Variants in PRR5L observed in about 807,000 individuals in gnomAD.
PRR5L encodes the protein proline-rich protein 5-like.
In PRR5L, 21 loss-of-function variants were observed where a neutral mutation model predicts 36.4. The ratio of observed to expected loss-of-function variants is 0.58; its 90% CI spans 0.41 to 0.83. PRR5L has a LOEUF of 0.83. Ranked by LOEUF, PRR5L falls within the 40% of genes least tolerant of loss-of-function variation. The pLI is 0.00. For synonymous variants in PRR5L, 188 were observed against 197.0 expected, an observed-to-expected ratio of 0.95 and a Z score of 0.38; for missense variants, 381 against 473.3, an observed-to-expected ratio of 0.80 and a Z score of 1.81.
intron 1 of PRR5L, among the ~76,000 whole-genome samples, chr11:36,387,020 G>A (rs1172965848): frequency 6.6e-6 from 1 of 152,136 alleles, no homozygotes; most frequent in Admixed American, 6.6e-5. Flanking sequence ...GGCAGGCGTG[G>A]GGTCCAGATC....
At chr11:36,427,392 G>A (rs1858404629) in intron 4 of PRR5L, among the ~76,000 whole-genome samples, 1 of 152,062 alleles carries the variant, frequency 6.6e-6, no homozygotes, top group African/African-American at 2.4e-5. Context: ...TTCTGCCTGG[G>A]GAGGTGGTGG....
At chr11:36,330,214 T>C (rs1362580755) in intron 1 of PRR5L, among the ~76,000 whole-genome samples, 1 of 152,186 alleles carries the variant, frequency 6.6e-6, no homozygotes, top group Non-Finnish European at 1.5e-5. Flanking sequence ...ATCTACTAAA[T>C]TGCTGTAAGT....
intron 1 of PRR5L, among the ~76,000 whole-genome samples, chr11:36,338,921 C>T (rs1030199226): frequency 6.6e-6 from 1 of 152,074 alleles, no homozygotes. Context: ...GTCACGGGGG[C>T]CCGTCTTTCC....
intron 1 of PRR5L, among the ~76,000 whole-genome samples, chr11:36,307,713 G>A (rs1856449900): frequency 6.6e-6 from 1 of 152,178 alleles, no homozygotes; most frequent in African/African-American, 2.4e-5. Context: ...ATTTCTGTGG[G>A]CGATGGGATC....
intron 1 of PRR5L, among the ~76,000 whole-genome samples, chr11:36,343,371 G>T (rs1856834529): frequency 6.6e-6 from 1 of 152,210 alleles, no homozygotes; most frequent in African/African-American, 2.4e-5. Context: ...ACCTTTGTAA[G>T]TTCCTCCATC....
At chr11:36,416,964 C>A (rs1040132155) in intron 3 of PRR5L, among the ~76,000 whole-genome samples, 1 of 152,186 alleles carries the variant, frequency 6.6e-6, no homozygotes, top group East Asian at 1.9e-4. Flanking sequence ...CATCATAGAT[C>A]CCTCCTCCGT....
chr11:36,342,001 C>T (rs1372176227), intron 1 of PRR5L, among the ~76,000 whole-genome samples: 5 of 152,218 alleles, frequency 3.3e-5, no homozygotes, highest in South Asian at 2.1e-4. Context: ...GTTTGGTCCA[C>T]GCTGTGATTC....
At chr11:36,335,658 C>T (rs183431690) in intron 1 of PRR5L, among the ~76,000 whole-genome samples, 8 of 152,128 alleles carry the variant, frequency 5.3e-5, no homozygotes, top group South Asian at 2.1e-4. Context: ...TTCTTGAGTA[C>T]GTGGTATTTA....
rs1420072868 is a variant in PRR5L at position 36,401,109 on chromosome 11, G to A, written c.-13G>A. The A allele has an allele frequency of 6.2e-7, 1 of 1,613,480 alleles. No individual in the cohort carries two copies. Among genetic ancestry groups the A allele is most frequent in the African/African-American group, 1.3e-5 (1 of 74,934 alleles). On this transcript the variant is annotated 5_prime_UTR_variant, in exon 2 of 9. Coordinates refer to ENST00000530639, the MANE Select transcript of PRR5L (RefSeq NM_001160167.2). ...CTGGTCCTAGAGGTGAAGCTGAACT[G>A]TCACCAGGACTTATGACCCGCGGCT...
Position 36,437,444 on chromosome 11 carries a change from C to T in PRR5L, c.412C>T (p.Pro138Ser). The stretch of plus-strand genomic sequence containing the variant: ...GGACCACTTCTTCACTGAGACTCTC[C>T]CTACCCTGCAGGCAATATTTTATCC... ...VWDHFFTETLPTLQAIFYPVQ... is the reference protein window; with the variant it reads ...VWDHFFTETLSTLQAIFYPVQ... Residue 138 changes from proline (P) to serine (S), a missense_variant, in exon 6 of 9, where the codon CCT (proline) becomes TCT (serine). Coordinates refer to ENST00000530639, the MANE Select transcript of PRR5L (RefSeq NM_001160167.2). 1 of 1,611,660 alleles carries T rather than the reference C, an allele frequency of 6.2e-7. No individual in the cohort carries two copies. Among genetic ancestry groups the T allele is most frequent in the South Asian group, 1.1e-5 (1 of 91,004 alleles).
At chr11:36,309,714 T>G (rs1856478197) in intron 1 of PRR5L, among the ~76,000 whole-genome samples, 1 of 18,982 alleles carries the variant, frequency 5.3e-5, no homozygotes, top group Admixed American at 5.4e-4. Flanking sequence ...CTTCTCTTTC[T>G]TCCAGATCCC....
At chr11:36,398,791 A>G (rs1047838167) in intron 1 of PRR5L, 4 of 152,238 alleles carry the variant, frequency 2.6e-5, no homozygotes, top group Non-Finnish European at 5.9e-5. Context: ...AGTGTCTTAC[A>G]GTTTCCTGGA....
intron 1 of PRR5L, among the ~76,000 whole-genome samples, chr11:36,352,219 G>C (rs1029915028): frequency 1.3e-5 from 2 of 152,056 alleles, no homozygotes; most frequent in East Asian, 1.9e-4. Flanking sequence ...TTGGCCATTT[G>C]TATATCTTCT....
At chr11:36,338,372 A>G (rs1856787967) in intron 1 of PRR5L, among the ~76,000 whole-genome samples, 1 of 152,142 alleles carries the variant, frequency 6.6e-6, no homozygotes, top group South Asian at 2.1e-4. Context: ...CTTGACATCC[A>G]AGCTGTAATT....
At chr11:36,407,142 G>A (rs933781483) in intron 3 of PRR5L, among the ~76,000 whole-genome samples, 1 of 151,956 alleles carries the variant, frequency 6.6e-6, no homozygotes, top group African/African-American at 2.4e-5. Flanking sequence ...GGGTGAGTAC[G>A]AGGCATGAGA....
At chr11:36,456,014 G>T (rs1252258968) in intron 8 of PRR5L, among the ~76,000 whole-genome samples, 1 of 152,206 alleles carries the variant, frequency 6.6e-6, no homozygotes, top group Admixed American at 6.5e-5. Flanking sequence ...CATCAGCAGG[G>T]GGAGAGAGGC....
intron 3 of PRR5L, among the ~76,000 whole-genome samples, chr11:36,403,879 A>C (rs1442269000): frequency 6.6e-6 from 1 of 152,230 alleles, no homozygotes; most frequent in African/African-American, 2.4e-5. Context: ...TGGGAAGAGA[A>C]TCATTAGTCA....
intron 1 of PRR5L, among the ~76,000 whole-genome samples, chr11:36,372,686 C>T (rs1857209250): frequency 6.6e-6 from 1 of 152,094 alleles, no homozygotes; most frequent in Admixed American, 6.5e-5. Flanking sequence ...CACGTTCTCC[C>T]TAAAAGGGAG....
chr11:36,452,527 C>A (rs982911847), intron 8 of PRR5L, among the ~76,000 whole-genome samples: 6 of 152,234 alleles, frequency 3.9e-5, no homozygotes, highest in Admixed American at 2.0e-4. Context: ...TCCTTCCTCC[C>A]TCCCTTCCTC....
Sources: allele counts gnomAD v4.1 joint callset (sites outside exome capture counted in the v4.1 genomes callset), GRCh38; gene constraint gnomAD v4.1.1; transcripts MANE v1.5; gene names NCBI Gene and HGNC (gene_info 2026-07-23, HGNC 2026-07-21).